The following SAP130 variants were observed in gnomAD, a reference collection of about 807,000 sequenced individuals.
SAP130 encodes Sin3A associated protein 130, also known as histone deacetylase complex subunit SAP130.
SAP130 carries 16 observed loss-of-function variants against 103.2 expected under a neutral mutation model. That is an observed-to-expected ratio of 0.16 (90% CI 0.10 to 0.24). The LOEUF (loss-of-function observed/expected upper bound fraction) is 0.24, where lower values mean the gene tolerates loss of function less well. Ranked by LOEUF, SAP130 falls within the 10% of genes least tolerant of loss-of-function variation. The probability of loss-of-function intolerance (pLI) is 1.00; values close to 1 mark genes in which losing one functional copy is unlikely to be tolerated. For missense variants in SAP130, 990 were observed against 1,359.7 expected (o/e 0.73, Z 4.28); for synonymous variants, 477 against 497.0 (o/e 0.96, Z 0.53).
chr2:127,955,922 A>G lies in SAP130; in HGVS notation c.2064-578T>C, dbSNP rs1679806825. Among the ~76,000 whole-genome samples the G allele has an allele frequency of 6.6e-6, 1 of 152,242 alleles. No homozygotes were observed. The highest frequency in any genetic ancestry group is 1.5e-5 in the Non-Finnish European group (1 of 68,042). ...AAATTAACTAAGAAAATAACACTTT[A>G]AAGAACTCAAAGTCATATCGTCATA... is the stretch of plus-strand genomic sequence containing the variant. On this transcript the variant is annotated intron_variant, in intron 15 of 20. Transcript: ENST00000643581. The surrounding 1 kb of genome is among the most constrained non-coding windows in gnomAD (Gnocchi z 4.9).
chr2:127,945,569 T>C lies in SAP130; in HGVS notation c.2798-10A>G, dbSNP rs769733015. 4.9e-5 allele frequency: 73 copies of C among 1,497,070 alleles called. No individual in the cohort carries two copies. Among genetic ancestry groups the C allele is most frequent in the Non-Finnish European group, 4.7e-6 (5 of 1,073,984 alleles). 92.7% of individuals were successfully genotyped at this position (1,497,070 alleles called of 1,614,324 possible). A position where few individuals can be genotyped will look rare whatever the true frequency, so the allele number is the denominator to read the frequency against. On this transcript the variant is annotated splice_polypyrimidine_tract_variant and intron_variant, in intron 18 of 20. Coordinates refer to ENST00000643581, the MANE Select transcript of SAP130 (RefSeq NM_001330301.2). ...ATAGCTTTCTTCTCCTCTGGAACCA[T>C]AAAAAATAAAAATACATGTATTTCA...
chr2:128,021,203 C>T (rs1685130007), intron 2 of SAP130, among the ~76,000 whole-genome samples: 1 of 152,098 alleles, frequency 6.6e-6, no homozygotes, highest in African/African-American at 2.4e-5. Context: ...AATCCCAGCA[C>T]TTTGGGAGGC....
At chr2:128,012,703 C>T (rs550718922) in intron 6 of SAP130, among the ~76,000 whole-genome samples, 5 of 151,864 alleles carry the variant, frequency 3.3e-5, no homozygotes, top group South Asian at 4.2e-4. Context: ...ACAGATCCCC[C>T]CAATCCAAAT....
At chr2:127,969,464 C>T (rs934127977) in intron 15 of SAP130, among the ~76,000 whole-genome samples, 2 of 152,168 alleles carry the variant, frequency 1.3e-5, no homozygotes, top group Non-Finnish European at 2.9e-5. Flanking sequence ...GAATACAAGG[C>T]AGAGCAGAAG....
chr2:128,017,749 A>C lies in SAP130; in HGVS notation c.279T>G (p.Val93=), dbSNP rs771677940. Residue 93 remains valine (V), a synonymous_variant, in exon 3 of 21, where the codon GTT becomes GTG. Coordinates refer to ENST00000643581, the MANE Select transcript of SAP130 (RefSeq NM_001330301.2). ...THHAVASATP[V]AVTAPPAHLT... Reference sequence around the variant, plus strand: ...GGTGTGCTGGCGGGGCTGTCACTGCAACAGGTGTGGCTGATGCGACAGCAT... The same window carrying C: ...GGTGTGCTGGCGGGGCTGTCACTGCCACAGGTGTGGCTGATGCGACAGCAT... 40 of 1,614,076 alleles carry C rather than the reference A, an allele frequency of 2.5e-5. No homozygotes were observed. The highest frequency in any genetic ancestry group is 3.2e-5 in the Non-Finnish European group (38 of 1,180,044).
intron 15 of SAP130, among the ~76,000 whole-genome samples, chr2:127,958,601 ACTCT>A (rs919431666): frequency 5.3e-5 from 8 of 151,162 alleles, no homozygotes; most frequent in African/African-American, 1.9e-4. Flanking sequence ...TATGCCACAC[ACTCT>A]CTCTCTCATA....
chr2:128,009,866 G>A lies in SAP130; in HGVS notation c.869+403C>T, dbSNP rs116448474. ...CACTGCCTAGAATACTCTTCTCTCC[G>A]ATAACCATATAGCTCACTCACTTCA... On this transcript the variant is annotated intron_variant, in intron 7 of 20. Transcript: ENST00000643581. Among the ~76,000 whole-genome samples the A allele has an allele frequency of 6.2e-3, 946 of 152,124 alleles. 16 individuals are homozygous for A. The highest frequency in any genetic ancestry group is 0.022 in the African/African-American group (906 of 41,492).
rs77692178 is a variant in SAP130, at chr2:127,942,313, G to A, written c.3015+111C>T. The A allele has an allele frequency of 7.2e-4, 778 of 1,082,912 alleles. 3 individuals are homozygous for A. The African/African-American group carries it at 0.011, about 15-fold the overall frequency. The allele number at this position is 1,082,912 out of a possible 1,614,324, so 67.1% of individuals were successfully genotyped here. ...TTCTCAGGAGTGCAGGCTGAAGCAC[G>A]TATGTTTTTACTGAAGATATGAGGG... On this transcript the variant is annotated intron_variant, in intron 20 of 20. Coordinates refer to ENST00000643581, the MANE Select transcript of SAP130 (RefSeq NM_001330301.2). This position sits in a 1 kb window ranked among gnomAD's most constrained non-coding sequence, Gnocchi z 4.8.
chr2:127,995,869 T>C (rs1573775960), intron 11 of SAP130, among the ~76,000 whole-genome samples: 2 of 152,206 alleles, frequency 1.3e-5, no homozygotes, highest in Admixed American at 6.5e-5. Flanking sequence ...ACTGCTTACC[T>C]GGTATAACCT....
At chr2:128,007,915 G>C (rs1684085658) in intron 7 of SAP130, among the ~76,000 whole-genome samples, 1 of 152,154 alleles carries the variant, frequency 6.6e-6, no homozygotes, top group South Asian at 2.1e-4. Flanking sequence ...CAGCCACTTG[G>C]TTGTTACACA....
intron 11 of SAP130, among the ~76,000 whole-genome samples, chr2:127,995,871 GTATAACCTGAA>G (rs1452603659): frequency 6.6e-6 from 1 of 152,104 alleles, no homozygotes; most frequent in Non-Finnish European, 1.5e-5. Context: ...TGCTTACCTG[GTATAACCTGAA>G]TGTAACCATG....
Position 127,942,922 on chromosome 2 carries a change from A to G in SAP130, c.2902-385T>C, listed in dbSNP as rs946708746. Among the ~76,000 whole-genome samples the G allele has an allele frequency of 4.6e-5, 7 of 152,200 alleles. No homozygotes were observed. Among genetic ancestry groups the G allele is most frequent in the African/African-American group, 1.7e-4 (7 of 41,464 alleles). ...AGAATCGCTTGAACCCGGGAGGCAG[A>G]GGTTGCAGTGAGCTGAGATCCCGCC... On this transcript the variant is annotated intron_variant, in intron 19 of 20. Transcript: ENST00000643581. The surrounding 1 kb of genome is among the most constrained non-coding windows in gnomAD (Gnocchi z 4.8).
intron 14 of SAP130, among the ~76,000 whole-genome samples, chr2:127,982,387 T>C (rs1053152903): frequency 2.0e-5 from 3 of 152,134 alleles, no homozygotes; most frequent in African/African-American, 4.8e-5. Context: ...GAGGAGCCCA[T>C]AGAGCTTGTC....
At chr2:127,971,149 C>T (rs766407034) in intron 15 of SAP130, among the ~76,000 whole-genome samples, 7 of 151,822 alleles carry the variant, frequency 4.6e-5, no homozygotes, top group Admixed American at 1.3e-4. Flanking sequence ...GCTGGGGTTT[C>T]GCCATATTGC....
chr2:127,979,286 G>A (rs1004389135), intron 14 of SAP130, among the ~76,000 whole-genome samples: 1 of 152,144 alleles, frequency 6.6e-6, no homozygotes, highest in Non-Finnish European at 1.5e-5. Context: ...AGAACCTCCG[G>A]GGGAACTGAC....
chr2:128,020,678 G>A (rs779049134), intron 2 of SAP130, among the ~76,000 whole-genome samples: 1 of 152,128 alleles, frequency 6.6e-6, no homozygotes, highest in Non-Finnish European at 1.5e-5. Context: ...TAGAACTACT[G>A]GGTAGAGAAT....
chr2:127,953,481 ACTCCCTGCTCTGCTCCAACAG>A lies in SAP130; in HGVS notation c.2422+1484_2422+1504del, dbSNP rs954159986. 1.3e-5 allele frequency among the ~76,000 whole-genome samples: 2 copies of A among 151,882 alleles called. No homozygotes were observed. The highest frequency in any genetic ancestry group is 2.9e-5 in the Non-Finnish European group (2 of 67,986). ...GAGTGCTTGGCACTGCTCTGCTCAC[ACTCCCTGCTCTGCTCCAACAG>A]CTCCCTGCCAACCCCAGCAAAGCCA... On this transcript the variant is annotated intron_variant, in intron 16 of 20. Coordinates refer to ENST00000643581, the MANE Select transcript of SAP130 (RefSeq NM_001330301.2). The surrounding 1 kb of genome is among the most constrained non-coding windows in gnomAD (Gnocchi z 4.0).
chr2:127,975,336 C>T (rs1681381550), intron 15 of SAP130, among the ~76,000 whole-genome samples: 1 of 151,946 alleles, frequency 6.6e-6, no homozygotes, highest in Admixed American at 6.6e-5. Context: ...AGGGATAAGG[C>T]CAGAAGTGAA....
intron 13 of SAP130, among the ~76,000 whole-genome samples, chr2:127,987,187 T>A (rs1007098198): frequency 6.6e-6 from 1 of 152,214 alleles, no homozygotes; most frequent in Non-Finnish European, 1.5e-5. Flanking sequence ...CCATTATTTT[T>A]TCTTTTTCTT....
Sources: gnomAD v4.1 joint callset for allele counts (sites outside exome capture counted in the v4.1 genomes callset) on GRCh38, gnomAD v4.1.1 for gene constraint, Gnocchi (gnomAD v3.1) non-coding constraint, MANE v1.5 for transcripts, NCBI Gene and HGNC (gene_info 2026-07-23, HGNC 2026-07-21) for gene names.